Variants in PCDHGB1 observed in about 807,000 individuals in gnomAD.
The protein encoded by PCDHGB1 is protocadherin gamma subfamily B, 1, also known as protocadherin gamma-B1.
In PCDHGB1, 34 loss-of-function variants were observed where a neutral mutation model predicts 56.6. The observed-to-expected ratio is 0.60, with a 90% confidence interval of 0.46 to 0.80. PCDHGB1 has a LOEUF of 0.80. PCDHGB1 is among the 30% of genes least tolerant of loss of function. The pLI is 0.00. For synonymous variants in PCDHGB1, 561 were observed against 505.9 expected, an observed-to-expected ratio of 1.11 and a Z score of -1.46; for missense variants, 1,278 against 1,204.6, an observed-to-expected ratio of 1.06 and a Z score of -0.90.
intron 1 of PCDHGB1, among the ~76,000 whole-genome samples, chr5:141,353,530 G>T (rs1428262887): frequency 6.6e-6 from 1 of 151,992 alleles, no homozygotes; most frequent in East Asian, 1.9e-4. Context: ...TTTTATATTT[G>T]CATCACTAAC....
In PCDHGB1 at chr5:141,399,312, A is replaced by C. The variant is rs142753281; in HGVS notation, c.2409+46643A>C. 774 of 1,613,972 alleles carry C rather than the reference A, an allele frequency of 4.8e-4. 4 individuals carry two copies. The African/African-American group carries it at 8.9e-3, about 19-fold the overall frequency. ...CTTTTAAGATTATCTCTTCATCCAAAAATTCGTATAAGTTGGTAACAGATG... is the reference window on the plus strand; with the variant it reads ...CTTTTAAGATTATCTCTTCATCCAACAATTCGTATAAGTTGGTAACAGATG... On this transcript the variant is annotated intron_variant, in intron 1 of 3. Transcript: ENST00000523390.
At chr5:141,407,649 G>A (rs541467957) in intron 1 of PCDHGB1, among the ~76,000 whole-genome samples, 1 of 152,050 alleles carries the variant, frequency 6.6e-6, no homozygotes, top group East Asian at 1.9e-4. Flanking sequence ...AAAATAATGG[G>A]GGAGCGCAGT....
In PCDHGB1 at chr5:141,395,138, C is replaced by T. The variant is rs147992300; in HGVS notation, c.2409+42469C>T. 1,238 of 1,614,204 alleles carry T rather than the reference C, an allele frequency of 7.7e-4. 19 individuals are homozygous for T. In the East Asian group the frequency reaches 0.018, roughly 24 times the overall value. On this transcript the variant is annotated intron_variant, in intron 1 of 3. Transcript: ENST00000523390. ...ACCTGATCTTTCCCCAGCCCAACTA[C>T]GCAGACATGCTCATCAGTCAGGAGG...
rs35482758 is a variant in PCDHGB1, at chr5:141,473,653, G to A, written c.2410-21154G>A. On this transcript the variant is annotated intron_variant, in intron 1 of 3. Coordinates refer to ENST00000523390, the MANE Select transcript of PCDHGB1 (RefSeq NM_018922.3). ...AGCTTTCCTGGCAAAGGAACAATTT[G>A]TGTGAAGGCCCTGAGACAGGGAAGG... Among the ~76,000 whole-genome samples, 302 of 152,274 alleles carry A rather than the reference G, an allele frequency of 2.0e-3. 1 individual carries two copies. Among genetic ancestry groups the A allele is most frequent in the Middle Eastern group, 0.01 (3 of 294 alleles).
intron 1 of PCDHGB1, chr5:141,394,735 G>C: frequency 6.2e-7 from 1 of 1,613,450 alleles, no homozygotes; most frequent in Non-Finnish European, 8.5e-7. Context: ...CTCAAGCAGA[G>C]CCTCGTGGTG....
intron 1 of PCDHGB1, chr5:141,427,753 T>A (rs745532152): frequency 4.5e-6 from 6 of 1,322,510 alleles, no homozygotes; most frequent in Non-Finnish European, 6.4e-6. Flanking sequence ...TACTCCATCG[T>A]TACCACTGAC....
Position 141,350,726 on chromosome 5 carries a change from G to T in PCDHGB1, c.466G>T (p.Asp156Tyr), listed in dbSNP as rs766918088. 37 of 1,613,838 alleles carry T rather than the reference G, an allele frequency of 2.3e-5. No homozygotes were observed. The highest frequency in any genetic ancestry group is 5.0e-5 in the Admixed American group (3 of 60,016). ...AAAATTCTCTCTGGATTCTGCTCAAGATGCAGATGTGGAAGGCAATTCACT... is the reference window on the plus strand; with the variant it reads ...AAAATTCTCTCTGGATTCTGCTCAATATGCAGATGTGGAAGGCAATTCACT... ...GVKFSLDSAQ[D>Y]ADVEGNSLKL... The change falls in exon 1 of 4, where the codon GAT becomes TAT. Residue 156 changes from aspartate to tyrosine, a missense_variant. By Grantham distance (160) the Asp-to-Tyr change is radical. Coordinates refer to ENST00000523390, the MANE Select transcript of PCDHGB1 (RefSeq NM_018922.3).
At position 141,350,153 on chromosome 5, in the gene PCDHGB1, G is replaced by T; in HGVS notation, c.-108G>T. The stretch of plus-strand genomic sequence containing the variant: ...ACAGACGCTGCTCCTGTTCACCCTC[G>T]AGCGCCTAACTAATAAGTCCTAAGC... On this transcript the variant is annotated 5_prime_UTR_variant, in exon 1 of 4. Coordinates refer to ENST00000523390, the MANE Select transcript of PCDHGB1 (RefSeq NM_018922.3). The T allele has an allele frequency of 1.0e-6, 1 of 978,182 alleles. No homozygotes were observed. Among genetic ancestry groups the T allele is most frequent in the Non-Finnish European group, 1.4e-6 (1 of 710,726 alleles). The allele number at this position is 978,182 out of a possible 1,614,324, so 60.6% of individuals were successfully genotyped here.
At position 141,398,657 on chromosome 5, in the gene PCDHGB1, G is replaced by A. The variant is rs776950213; in HGVS notation, c.2409+45988G>A. 3.1e-6 allele frequency: 5 copies of A among 1,614,018 alleles called. No individual in the cohort carries two copies. In the South Asian group the frequency reaches 5.5e-5, roughly 18 times the overall value. On this transcript the variant is annotated intron_variant, in intron 1 of 3. Transcript: ENST00000523390. ...AAGTATAAACTCTCTCTTAACCCAA[G>A]TTTCTCATTAATAATTAAGGAGAAA...
At chr5:141,434,609 G>A (rs189866750) in intron 1 of PCDHGB1, among the ~76,000 whole-genome samples, 11 of 152,064 alleles carry the variant, frequency 7.2e-5, no homozygotes, top group Non-Finnish European at 1.3e-4. Context: ...CTTTATTTCC[G>A]CCCATCTCTT....
intron 1 of PCDHGB1, among the ~76,000 whole-genome samples, chr5:141,461,100 T>C (rs926482549): frequency 1.1e-4 from 16 of 152,062 alleles, no homozygotes; most frequent in African/African-American, 3.6e-4. Context: ...TATAAACATA[T>C]GTGTCCAAGT....
At chr5:141,510,900 G>A in intron 3 of PCDHGB1, 47 bp from the exon 4 acceptor site, 6 of 1,613,378 alleles carry the variant, frequency 3.7e-6, no homozygotes, top group Non-Finnish European at 5.1e-6. Context: ...AGTGACTGTT[G>A]AGGACCCTAA....
intron 1 of PCDHGB1, chr5:141,423,661 G>A: frequency 1.3e-6 from 2 of 1,555,760 alleles, no homozygotes; most frequent in Non-Finnish European, 1.7e-6. Flanking sequence ...AAGTAATCAG[G>A]TGAGATTTAT....
chr5:141,375,139 A>C, intron 1 of PCDHGB1: 1 of 1,613,936 alleles, frequency 6.2e-7, no homozygotes, highest in Non-Finnish European at 8.5e-7. Context: ...TTACATCTGG[A>C]AGCAGAACAA....
At chr5:141,366,402 T>C (rs1465149203) in intron 1 of PCDHGB1, 12 of 1,614,168 alleles carry the variant, frequency 7.4e-6, no homozygotes, top group Non-Finnish European at 1.0e-5. Flanking sequence ...GACCTCACAC[T>C]CTATCTTGTG....
In PCDHGB1 at chr5:141,491,607, T is replaced by G; in HGVS notation, c.2410-3200T>G. On this transcript the variant is annotated intron_variant, in intron 1 of 3. Coordinates refer to ENST00000523390, the MANE Select transcript of PCDHGB1 (RefSeq NM_018922.3). The surrounding 1 kb of genome is among the most constrained non-coding windows in gnomAD (Gnocchi z 6.9). ...CCTCGGACGGCAGTGACTTCACTTT[T>G]CTAAGACCCCTCAGCGTTCAGCAGC... 6.2e-7 allele frequency: 1 copy of G among 1,613,932 alleles called. No homozygotes were observed. The highest frequency in any genetic ancestry group is 1.1e-5 in the South Asian group (1 of 91,084).
chr5:141,385,048 C>T (rs1015626472), intron 1 of PCDHGB1: 6 of 1,614,150 alleles, frequency 3.7e-6, no homozygotes, highest in Non-Finnish European at 3.4e-6. Flanking sequence ...GCTCAGGCTG[C>T]GGCGCTGGCA....
Position 141,477,783 on chromosome 5 carries a change from T to C in PCDHGB1, c.2410-17024T>C. 1 of 1,614,078 alleles carries C rather than the reference T, an allele frequency of 6.2e-7. No individual in the cohort carries two copies. Among genetic ancestry groups the C allele is most frequent in the Non-Finnish European group, 8.5e-7 (1 of 1,180,028 alleles). On this transcript the variant is annotated intron_variant, in intron 1 of 3. Coordinates refer to ENST00000523390, the MANE Select transcript of PCDHGB1 (RefSeq NM_018922.3). The surrounding 1 kb of genome is among the most constrained non-coding windows in gnomAD (Gnocchi z 4.9). ...GCCACCAACATCAGCGTGAACATAT[T>C]TGTCACTGATCGCAATGACAATGCC...
Position 141,489,492 on chromosome 5 carries a change from G to C in PCDHGB1, c.2410-5315G>C. On this transcript the variant is annotated intron_variant, in intron 1 of 3. Coordinates refer to ENST00000523390, the MANE Select transcript of PCDHGB1 (RefSeq NM_018922.3). This position sits in a 1 kb window ranked among gnomAD's most constrained non-coding sequence, Gnocchi z 4.5. The stretch of plus-strand genomic sequence containing the variant: ...CCCTGAGCTTGATGAGTGGTGCCCT[G>C]GCAGTGAATCAAAAGATTGACCGAG... The C allele has an allele frequency of 6.2e-7, 1 of 1,614,042 alleles. No homozygotes were observed. The highest frequency in any genetic ancestry group is 8.5e-7 in the Non-Finnish European group (1 of 1,180,034).
Sources: gnomAD v4.1 joint callset for allele counts (sites outside exome capture counted in the v4.1 genomes callset) on GRCh38, gnomAD v4.1.1 for gene constraint, Gnocchi (gnomAD v3.1) non-coding constraint, MANE v1.5 for transcripts, NCBI Gene and HGNC (gene_info 2026-07-23, HGNC 2026-07-21) for gene names.